SRSF1: variants seen among roughly 807,000 people sequenced by gnomAD.
SRSF1 encodes serine and arginine rich splicing factor 1.
Under a neutral mutation model 25.9 loss-of-function variants are expected in SRSF1, and 1 was observed. The ratio of observed to expected loss-of-function variants is 0.04; its 90% CI spans 0.01 to 0.18. The LOEUF (loss-of-function observed/expected upper bound fraction) is 0.18. Ranked by LOEUF, SRSF1 falls within the 10% of genes least tolerant of loss-of-function variation. The pLI is 1.00. For synonymous variants in SRSF1, 132 were observed against 126.2 expected (o/e 1.05, Z -0.31); for missense variants, 65 against 350.5 (o/e 0.19, Z 6.50).
chr17:58,007,102 C>A lies in SRSF1; in HGVS notation c.36G>T (p.Gly12=), dbSNP rs2075435402. ...CCACGTAGATGCGGCAATCGTTGTT[C>A]CCTGCGGGGCCACGAATCACACCAC... ...SGGGVIRGPA[G]NNDCRIYVGN... Residue 12 remains glycine, a synonymous_variant, in exon 1 of 4, where the codon GGG becomes GGT. Coordinates refer to ENST00000258962, the MANE Select transcript of SRSF1 (RefSeq NM_006924.5). 6.2e-7 allele frequency: 1 copy of A among 1,614,212 alleles called. No homozygotes were observed. The highest frequency in any genetic ancestry group is 8.5e-7 in the Non-Finnish European group (1 of 1,180,054).
chr17:57,990,527 C>T, the SRSF1 span: 1 of 152,112 alleles, frequency 6.6e-6, no homozygotes, highest in Admixed American at 6.5e-5. Context: ...TATAATGAAA[C>T]CAGTATGATC....
In SRSF1 at chr17:58,002,066, T is replaced by C. The variant is rs2075394838; in HGVS notation, c.*3340A>G. Among the ~76,000 whole-genome samples the C allele has an allele frequency of 6.6e-6, 1 of 152,180 alleles. No homozygotes were observed. Among genetic ancestry groups the C allele is most frequent in the South Asian group, 2.1e-4 (1 of 4,830 alleles). ...CTAGCTCACATTAACCTTCCAAAAT[T>C]ATCATTAATCATTTATTTTCCCTTT... On this transcript the variant is annotated 3_prime_UTR_variant, in exon 4 of 4. Coordinates refer to ENST00000258962, the MANE Select transcript of SRSF1 (RefSeq NM_006924.5).
At chr17:57,997,485 T>C (rs1224164547), downstream of SRSF1, among the ~76,000 whole-genome samples, 1 of 152,176 alleles carries the variant, frequency 6.6e-6, no homozygotes. Context: ...CCTGGGTCTG[T>C]AGAGTTAAAA....
chr17:57,995,608 T>C, the SRSF1 span, among the ~76,000 whole-genome samples: 2 of 152,212 alleles, frequency 1.3e-5, no homozygotes, highest in African/African-American at 4.8e-5. Context: ...GACAGCACCA[T>C]GGGACACCCT....
Position 58,004,299 on chromosome 17 carries a change from T to A in SRSF1, c.*1107A>T, listed in dbSNP as rs547706823. The stretch of plus-strand genomic sequence containing the variant: ...GTTGCAAGAAGTTACGTAATTTAAG[T>A]TTACTGGCATTGCTACCCACCTAAG... On this transcript the variant is annotated 3_prime_UTR_variant, in exon 4 of 4. Transcript: ENST00000258962. 1.3e-5 allele frequency: 2 copies of A among 152,742 alleles called. No individual in the cohort carries two copies. The highest frequency in any genetic ancestry group is 4.1e-4 in the South Asian group (2 of 4,826). The allele number at this position is 152,742 out of a possible 1,614,324, so 9.5% of individuals were successfully genotyped here.
downstream of SRSF1, among the ~76,000 whole-genome samples, chr17:57,997,940 T>A (rs2075371340): frequency 6.6e-6 from 1 of 152,196 alleles, no homozygotes. Flanking sequence ...GTCAGCCAGG[T>A]GCGCTGGCTC....
chr17:57,999,740 T>TA (rs994587685), downstream of SRSF1, among the ~76,000 whole-genome samples: 2 of 152,128 alleles, frequency 1.3e-5, no homozygotes, highest in Admixed American at 6.5e-5. Context: ...CAGCATGTTG[T>TA]AAAAAAACCA....
chr17:58,001,246 T>C lies in SRSF1; in HGVS notation c.*4160A>G, dbSNP rs1369559190. Among the ~76,000 whole-genome samples, 3 of 151,944 alleles carry C rather than the reference T, an allele frequency of 2.0e-5. No homozygotes were observed. Among genetic ancestry groups the C allele is most frequent in the Non-Finnish European group, 2.9e-5 (2 of 67,968 alleles). Reference sequence around the variant, plus strand: ...ACACCAGCCCTAATGACCAAGACAATGTTTCAAAGACAACAAACACCAAGA... The same window carrying C: ...ACACCAGCCCTAATGACCAAGACAACGTTTCAAAGACAACAAACACCAAGA... On this transcript the variant is annotated 3_prime_UTR_variant, in exon 4 of 4. Transcript: ENST00000258962.
chr17:57,999,384 T>G (rs1354528934), downstream of SRSF1, among the ~76,000 whole-genome samples: 1 of 152,192 alleles, frequency 6.6e-6, no homozygotes, highest in Non-Finnish European at 1.5e-5. Context: ...ATGTACAAGG[T>G]AGGCAGAAAA....
downstream of SRSF1, among the ~76,000 whole-genome samples, chr17:57,999,294 A>G (rs2075376583): frequency 6.6e-6 from 1 of 152,176 alleles, no homozygotes; most frequent in Non-Finnish European, 1.5e-5. Flanking sequence ...TCATAACCAA[A>G]TTGTTATGTC....
chr17:57,995,564 A>C, the SRSF1 span, among the ~76,000 whole-genome samples: 2 of 152,194 alleles, frequency 1.3e-5, no homozygotes, highest in African/African-American at 2.4e-5. Flanking sequence ...CTCTAGAACA[A>C]CCCTCAGCAC....
chr17:57,996,897 C>A (rs2075367517), downstream of SRSF1, among the ~76,000 whole-genome samples: 1 of 152,154 alleles, frequency 6.6e-6, no homozygotes, highest in African/African-American at 2.4e-5. Flanking sequence ...AGTCTCTTCA[C>A]AATACATCGT....
rs1373005833 is a variant in SRSF1, at chr17:58,004,209, T to C, written c.*1197A>G. 1.3e-5 allele frequency: 2 copies of C among 152,780 alleles called. No individual in the cohort carries two copies. The highest frequency in any genetic ancestry group is 4.8e-5 in the African/African-American group (2 of 41,580). The allele number at this position is 152,780 out of a possible 1,614,324, so 9.5% of individuals were successfully genotyped here. On this transcript the variant is annotated 3_prime_UTR_variant, in exon 4 of 4. Coordinates refer to ENST00000258962, the MANE Select transcript of SRSF1 (RefSeq NM_006924.5). The stretch of plus-strand genomic sequence containing the variant: ...ATAGAGACTAATTGGAAGAAGCATT[T>C]TGTATTTACAGTTCAACTGATAATG...
At chr17:57,989,620 C>A in the SRSF1 span, 1 of 398,518 alleles carries the variant, frequency 2.5e-6, no homozygotes, top group South Asian at 1.3e-4. Flanking sequence ...CAAGAATACC[C>A]CCTCCCATTC....
At chr17:57,990,660 CAA>C in the SRSF1 span, 1 of 152,170 alleles carries the variant, frequency 6.6e-6, no homozygotes, top group African/African-American at 2.4e-5. Flanking sequence ...GGGGTCCAGT[CAA>C]AAGACAGATG....
chr17:57,989,511 C>G, the SRSF1 span: 1 of 397,696 alleles, frequency 2.5e-6, no homozygotes, highest in Non-Finnish European at 4.4e-6. Context: ...TCTCCAACTT[C>G]CCCCATAGAC....
downstream of SRSF1, among the ~76,000 whole-genome samples, chr17:57,997,310 T>C (rs1261942960): frequency 6.6e-6 from 1 of 152,168 alleles, no homozygotes; most frequent in Non-Finnish European, 1.5e-5. Flanking sequence ...TTATTAGTAT[T>C]AAAATACCTT....
At position 58,005,994 on chromosome 17, in the gene SRSF1, T is replaced by C; in HGVS notation, c.380-21A>G. 6.2e-7 allele frequency: 1 copy of C among 1,602,638 alleles called. No individual in the cohort carries two copies. Among genetic ancestry groups the C allele is most frequent in the Non-Finnish European group, 8.5e-7 (1 of 1,177,462 alleles). On this transcript the variant is annotated intron_variant, in intron 2 of 3. Transcript: ENST00000258962. This position sits in a 1 kb window ranked among gnomAD's most constrained non-coding sequence, Gnocchi z 5.2. ...CAGTCCTGAAAAAGTGATTTTTTTT[T>C]TCTTAGTACCAATTATCTTAAATTT...
At chr17:58,006,756 C>G in intron 1 of SRSF1, 188 bp downstream of exon 1, 1 of 878,000 alleles carries the variant, frequency 1.1e-6, no homozygotes, top group Non-Finnish European at 1.7e-6. Context: ...GCTCCGGGGA[C>G]GTCCAAGGCG....
Sources: allele counts gnomAD v4.1 joint callset (sites outside exome capture counted in the v4.1 genomes callset), GRCh38; gene constraint gnomAD v4.1.1; non-coding constraint Gnocchi (gnomAD v3.1); transcripts MANE v1.5; gene names NCBI Gene and HGNC (gene_info 2026-07-23, HGNC 2026-07-21).